Variants in POLR1H observed in about 807,000 individuals in gnomAD.
POLR1H encodes DNA-directed RNA polymerase I subunit RPA12.
In POLR1H, 5 loss-of-function variants were observed where a neutral mutation model predicts 15.8. The observed-to-expected ratio is 0.32, with a 90% CI of 0.17 to 0.67. POLR1H has a LOEUF of 0.67. Ranked by LOEUF, POLR1H falls within the 30% of genes least tolerant of loss-of-function variation. The probability of loss-of-function intolerance (pLI) is 0.74; values close to 1 mark genes in which losing one functional copy is unlikely to be tolerated. For synonymous variants in POLR1H, 43 were observed against 58.3 expected (o/e 0.74, Z 1.20); for missense variants, 100 against 163.4 (o/e 0.61, Z 2.11).
rs1332255236 is a variant in POLR1H, at chr6:30,063,260, G to A, written c.356+927G>A. On this transcript the variant is annotated intron_variant, in intron 3 of 3. Transcript: ENST00000332435. This position sits in a 1 kb window ranked among gnomAD's most constrained non-coding sequence, Gnocchi z 4.1. Reference sequence around the variant, plus strand: ...TGGACCTCGAATTAGTTACTAGAAAGAGGTTTCTCTCTTCTGTCCTCCATT... The same window carrying A: ...TGGACCTCGAATTAGTTACTAGAAAAAGGTTTCTCTCTTCTGTCCTCCATT... Among the ~76,000 whole-genome samples the A allele has an allele frequency of 6.6e-6, 1 of 152,018 alleles. No individual in the cohort carries two copies.
rs999433499 is a variant in POLR1H, at chr6:30,063,777, A to G, written c.357-896A>G. Among the ~76,000 whole-genome samples the G allele has an allele frequency of 6.6e-6, 1 of 152,188 alleles. No homozygotes were observed. The highest frequency in any genetic ancestry group is 1.5e-5 in the Non-Finnish European group (1 of 68,028). On this transcript the variant is annotated intron_variant, in intron 3 of 3. Coordinates refer to ENST00000332435, the MANE Select transcript of POLR1H (RefSeq NM_170783.4). This position sits in a 1 kb window ranked among gnomAD's most constrained non-coding sequence, Gnocchi z 4.1. ...TCTTTTCTAGGTGCCTTGAAGCACTATCAAGCTGGAATTACTTTAAATAAA... is the reference window on the plus strand; with the variant it reads ...TCTTTTCTAGGTGCCTTGAAGCACTGTCAAGCTGGAATTACTTTAAATAAA...
intron 3 of POLR1H, among the ~76,000 whole-genome samples, chr6:30,062,864 G>A (rs9261273): frequency 0.046 from 6,865 of 149,312 alleles, 194 homozygotes; most frequent in Admixed American, 0.064. Flanking sequence ...GAGCCACCCC[G>A]CCTGACCTAC....
chr6:30,061,757 C>A lies in POLR1H; in HGVS notation c.145+88C>A. The A allele has an allele frequency of 6.3e-7, 1 of 1,585,762 alleles. No individual in the cohort carries two copies. The highest frequency in any genetic ancestry group is 8.6e-7 in the Non-Finnish European group (1 of 1,160,964). ...AGATCGGTTGGGTTGAGGAGGGGAT[C>A]CTAGAGCAGGACATCAGGCGGTTGT... On this transcript the variant is annotated intron_variant, in intron 1 of 3. Coordinates refer to ENST00000332435, the MANE Select transcript of POLR1H (RefSeq NM_170783.4). The surrounding 1 kb of genome is among the most constrained non-coding windows in gnomAD (Gnocchi z 5.0).
At chr6:30,062,722 T>C (rs1434593925) in intron 3 of POLR1H, among the ~76,000 whole-genome samples, 2 of 107,390 alleles carry the variant, frequency 1.9e-5, no homozygotes, top group African/African-American at 3.5e-5. Context: ...GGCTTTTTTT[T>C]TTTTTTTTTT....
chr6:30,061,385 C>A lies in POLR1H; in HGVS notation c.-140C>A. The A allele has an allele frequency of 1.1e-6, 1 of 927,258 alleles. No homozygotes were observed. Among genetic ancestry groups the A allele is most frequent in the Non-Finnish European group, 1.6e-6 (1 of 634,132 alleles). The allele number at this position is 927,258 out of a possible 1,614,324, so 57.4% of individuals were successfully genotyped here. A position where few individuals can be genotyped will look rare whatever the true frequency, so the allele number is the denominator to read the frequency against. ...TCCGGGCGTTTCGGCTCCTTGGTCG[C>A]AGAGGCAGGAGGCGTGCGTGGCAGG... On this transcript the variant is annotated 5_prime_UTR_variant, in exon 1 of 4. Transcript: ENST00000332435. This position sits in a 1 kb window ranked among gnomAD's most constrained non-coding sequence, Gnocchi z 5.0.
chr6:30,061,224 AC>A, upstream of POLR1H: 1 of 339,238 alleles, frequency 2.9e-6, no homozygotes, highest in South Asian at 8.2e-5. The surrounding 1 kb of genome is among the most constrained non-coding windows in gnomAD (Gnocchi z 5.0). Context: ...CGAAAGCCTG[AC>A]GCTCTAGCCG....
chr6:30,061,156 C>T (rs967211224), upstream of POLR1H: 13 of 200,920 alleles, frequency 6.5e-5, no homozygotes, highest in Non-Finnish European at 1.2e-4. The surrounding 1 kb of genome is among the most constrained non-coding windows in gnomAD (Gnocchi z 5.0). Context: ...GTCTCCATCT[C>T]TAACGCTCCC....
At position 30,061,619 on chromosome 6, in the gene POLR1H, C is replaced by A. The variant is rs750742885; in HGVS notation, c.95C>A (p.Ala32Asp). 3.7e-6 allele frequency: 6 copies of A among 1,613,060 alleles called. No individual in the cohort carries two copies. In the East Asian group the frequency reaches 1.3e-4, roughly 36 times the overall value. The change falls in exon 1 of 4, where the codon GCT (alanine) becomes GAT (aspartate). Residue 32 changes from alanine to aspartate, a missense_variant. By Grantham distance (126) the Ala-to-Asp change is moderately radical. This residue lies in a region of POLR1H where 87 missense variants were observed against 119.8 expected (regional missense o/e 0.73). Coordinates refer to ENST00000332435, the MANE Select transcript of POLR1H (RefSeq NM_170783.4). The surrounding 1 kb of genome is among the most constrained non-coding windows in gnomAD (Gnocchi z 5.0). ...GGCTCGGTCCTGCCTCTGCCCGGGG[C>A]TCAGGATACGGTCACCTGTATTCGC... ...DCGSVLPLPG[A>D]QDTVTCIRCG...
At chr6:30,062,354 C>T (rs776520229) in intron 3 of POLR1H, 21 bp downstream of exon 3, 27 of 1,508,974 alleles carry the variant, frequency 1.8e-5, no homozygotes, top group Non-Finnish European at 2.5e-5. Flanking sequence ...TTTCCCCTCC[C>T]TCTGCTCAGT....
chr6:30,062,412 T>G (rs9261271), intron 3 of POLR1H, 79 bp downstream of exon 3: 2 of 973,902 alleles, frequency 2.1e-6, no homozygotes, highest in East Asian at 5.1e-5. Flanking sequence ...TTGTACGAAA[T>G]GGCCGTTTCC....
chr6:30,062,207 C>T lies in POLR1H; in HGVS notation c.247-17C>T. The T allele has an allele frequency of 6.2e-7, 1 of 1,603,798 alleles. No individual in the cohort carries two copies. Among genetic ancestry groups the T allele is most frequent in the Non-Finnish European group, 8.5e-7 (1 of 1,171,608 alleles). On this transcript the variant is annotated splice_polypyrimidine_tract_variant and intron_variant, in intron 2 of 3. Transcript: ENST00000332435. ...GGGATATGACCAGGCCTCCCTAACC[C>T]ACCAGTTTCTTCCCAGGTTGACAGG... is the stretch of plus-strand genomic sequence containing the variant.
rs1442595626 is a variant in POLR1H, at chr6:30,061,436, T to G, written c.-89T>G. 2 of 1,496,718 alleles carry G rather than the reference T, an allele frequency of 1.3e-6. No homozygotes were observed. The highest frequency in any genetic ancestry group is 1.4e-5 in the African/African-American group (1 of 72,574). 92.7% of individuals were successfully genotyped at this position (1,496,718 alleles called of 1,614,324 possible). A position where few individuals can be genotyped will look rare whatever the true frequency, so the allele number is the denominator to read the frequency against. The stretch of plus-strand genomic sequence containing the variant: ...AGGGTTCGGGTTATATACTCCTAGG[T>G]CCTGGGACAGAATAGTTACGACCTC... On this transcript the variant is annotated 5_prime_UTR_variant, in exon 1 of 4. Transcript: ENST00000332435. The surrounding 1 kb of genome is among the most constrained non-coding windows in gnomAD (Gnocchi z 5.0).
chr6:30,061,984 G>A lies in POLR1H; in HGVS notation c.213G>A (p.Ser71=), dbSNP rs1259791753. 8 of 1,613,110 alleles carry A rather than the reference G, an allele frequency of 5.0e-6. No homozygotes were observed. In the East Asian group the frequency reaches 1.6e-4, roughly 31 times the overall value. Residue 71 remains serine, a synonymous_variant, in exon 2 of 4, where the codon TCG becomes TCA. Transcript: ENST00000332435. This position sits in a 1 kb window ranked among gnomAD's most constrained non-coding sequence, Gnocchi z 5.0. Reference sequence around the variant, plus strand: ...AACTGGGGACAGCCATGCCTATGTCGGTGGAGGAAGGGCCTGAGTGCCAGG... The same window carrying A: ...AACTGGGGACAGCCATGCCTATGTCAGTGGAGGAAGGGCCTGAGTGCCAGG... ...FHQLGTAMPM[S]VEEGPECQGP... is the part of the protein sequence containing the mutation.
chr6:30,060,478 G>T (rs1172480435), upstream of POLR1H: 1 of 152,190 alleles, frequency 6.6e-6, no homozygotes, highest in African/African-American at 2.4e-5. Flanking sequence ...GAGTTCGATA[G>T]GCGGCAGGCA....
rs114533592 is a variant in POLR1H at position 30,062,242 on chromosome 6, C to T, written c.265C>T (p.Arg89Ter). 2 of 1,612,896 alleles carry T rather than the reference C, an allele frequency of 1.2e-6. No individual in the cohort carries two copies. Among genetic ancestry groups the T allele is most frequent in the East Asian group, 2.2e-5 (1 of 44,880 alleles). The part of the protein sequence containing the change: ...QGPVVDRRCP[R>*]CGHEGMAYHT... ...TTCCCAGGTTGACAGGCGCTGCCCTCGATGTGGTCATGAAGGAATGGCATA... is the reference window on the plus strand; with the variant it reads ...TTCCCAGGTTGACAGGCGCTGCCCTTGATGTGGTCATGAAGGAATGGCATA... Residue 89 changes from arginine to a stop codon, truncating the protein, a stop_gained, in exon 3 of 4, where the codon CGA (arginine) becomes TGA (stop). Transcript: ENST00000332435. LOFTEE classifies it high-confidence loss of function.
rs1463251318 is a variant in POLR1H at position 30,063,479 on chromosome 6, A to G, written c.356+1146A>G. Among the ~76,000 whole-genome samples, 1 of 151,432 alleles carries G rather than the reference A, an allele frequency of 6.6e-6. No homozygotes were observed. Among genetic ancestry groups the G allele is most frequent in the Non-Finnish European group, 1.5e-5 (1 of 67,846 alleles). ...TCTCCTTAATTTTTAAATAATTATC[A>G]GTTCTTTAATCATATTTTAAATTGT... On this transcript the variant is annotated intron_variant, in intron 3 of 3. Transcript: ENST00000332435. The surrounding 1 kb of genome is among the most constrained non-coding windows in gnomAD (Gnocchi z 4.1).
Position 30,062,714 on chromosome 6 carries a change from C to CCTTTTTTTTTTTTTTTT in POLR1H, c.356+381_356+382insCTTTTTTTTTTTTTTTT, listed in dbSNP as rs749507630. 7.3e-4 allele frequency among the ~76,000 whole-genome samples: 31 copies of CCTTTTTTTTTTTTTTTT among 42,390 alleles called. 3 individuals are homozygous for CCTTTTTTTTTTTTTTTT. Among genetic ancestry groups the CCTTTTTTTTTTTTTTTT allele is most frequent in the African/African-American group, 1.8e-3 (18 of 9,844 alleles). 27.8% of individuals were successfully genotyped at this position (42,390 alleles called of 152,430 possible). On this transcript the variant is annotated intron_variant, in intron 3 of 3. Transcript: ENST00000332435. ...CACAGACACATGCCACCACGCCTGGCTTTTTTTTTTTTTTTTTTTTTTTTT... is the reference window on the plus strand; with the variant it reads ...CACAGACACATGCCACCACGCCTGGCCTTTTTTTTTTTTTTTTTTTTTTTTTTTTTTTTTTTTTTTTT...
rs1013592645 is a variant in POLR1H at position 30,061,392 on chromosome 6, A to T, written c.-133A>T. 3.0e-6 allele frequency: 3 copies of T among 999,762 alleles called. No homozygotes were observed. In the Admixed American group the frequency reaches 7.1e-5, roughly 24 times the overall value. 61.9% of individuals were successfully genotyped at this position (999,762 alleles called of 1,614,324 possible). On this transcript the variant is annotated 5_prime_UTR_variant, in exon 1 of 4. Transcript: ENST00000332435. This position sits in a 1 kb window ranked among gnomAD's most constrained non-coding sequence, Gnocchi z 5.0. ...GTTTCGGCTCCTTGGTCGCAGAGGCAGGAGGCGTGCGTGGCAGGAGGGTTC... is the reference window on the plus strand; with the variant it reads ...GTTTCGGCTCCTTGGTCGCAGAGGCTGGAGGCGTGCGTGGCAGGAGGGTTC...
At chr6:30,062,117 G>A (rs1329677023) in intron 2 of POLR1H, 100 bp downstream of exon 2, 4 of 1,455,710 alleles carry the variant, frequency 2.7e-6, no homozygotes, top group East Asian at 2.3e-5. Context: ...AATTCCAAGA[G>A]GGAAAAGAGA....
Sources: gnomAD v4.1 joint callset for allele counts (sites outside exome capture counted in the v4.1 genomes callset) on GRCh38, gnomAD v4.1.1 for gene constraint, gnomAD v4.1.1 regional missense constraint, Gnocchi (gnomAD v3.1) non-coding constraint, MANE v1.5 for transcripts, NCBI Gene and HGNC (gene_info 2026-07-23, HGNC 2026-07-21) for gene names.